The following COL24A1 variants were observed in gnomAD, a reference collection of about 807,000 sequenced individuals.
COL24A1 encodes the protein collagen alpha-1(XXIV) chain.
COL24A1 carries 224 observed loss-of-function variants against 253.9 expected under a neutral mutation model. The ratio of observed to expected loss-of-function variants is 0.88; its 90% CI spans 0.79 to 0.99. COL24A1 has a LOEUF of 0.99. Among genes scored for constraint, COL24A1 ranks in the 50% least tolerant of loss-of-function variants. COL24A1 has a pLI of 0.00. For missense variants in COL24A1, 2,131 were observed against 2,068.5 expected, an observed-to-expected ratio of 1.03 and a Z score of -0.59; for synonymous variants, 685 against 673.7, an observed-to-expected ratio of 1.02 and a Z score of -0.26.
At chr1:86,050,215 G>C (rs141445410) in intron 10 of COL24A1, 38 bp from the exon 11 acceptor site, 12 of 1,555,154 alleles carry the variant, frequency 7.7e-6, no homozygotes, top group Non-Finnish European at 1.1e-5. Flanking sequence ...TAGTTCATTT[G>C]AATATTCTCC....
chr1:85,778,318 G>A (rs1419005048), intron 52 of COL24A1, among the ~76,000 whole-genome samples: 1 of 151,902 alleles, frequency 6.6e-6, no homozygotes, highest in Non-Finnish European at 1.5e-5. Flanking sequence ...TGCCAAGGCT[G>A]GTCTAAACTT....
chr1:86,072,039 C>T (rs1557496449), intron 7 of COL24A1, among the ~76,000 whole-genome samples: 1 of 152,172 alleles, frequency 6.6e-6, no homozygotes, highest in Non-Finnish European at 1.5e-5. Flanking sequence ...CCCTCGGACG[C>T]CTACACCACC....
chr1:85,777,296 C>T (rs1668643956), intron 52 of COL24A1, among the ~76,000 whole-genome samples: 1 of 152,146 alleles, frequency 6.6e-6, no homozygotes, highest in African/African-American at 2.4e-5. Context: ...TATATACACC[C>T]TTTTCCACAC....
Position 85,789,638 on chromosome 1 carries a change from G to C in COL24A1, c.3952-3177C>G, listed in dbSNP as rs1412211681. ...ATCCTTGCCTTGTGCCAGTTTTCAA[G>C]GGGAATGCTTCCAGCTTTTGCCCAT... On this transcript the variant is annotated intron_variant, in intron 47 of 59. Coordinates refer to ENST00000370571, the MANE Select transcript of COL24A1 (RefSeq NM_152890.7). Among the ~76,000 whole-genome samples, 3 of 152,096 alleles carry C rather than the reference G, an allele frequency of 2.0e-5. No individual in the cohort carries two copies. The East Asian group carries it at 5.8e-4, about 29-fold the overall frequency.
In COL24A1 at chr1:85,971,131, C is replaced by G. The variant is rs192722051; in HGVS notation, c.2418+209G>C. Reference sequence around the variant, plus strand: ...GGGTGAGGCAGGAGGATTGCTGGAGCCCAGGAGGTCGAGGCTGCAGTGAGC... The same window carrying G: ...GGGTGAGGCAGGAGGATTGCTGGAGGCCAGGAGGTCGAGGCTGCAGTGAGC... On this transcript the variant is annotated intron_variant, in intron 21 of 59. Transcript: ENST00000370571. Among the ~76,000 whole-genome samples, 6 of 152,190 alleles carry G rather than the reference C, an allele frequency of 3.9e-5. No individual in the cohort carries two copies. The East Asian group carries it at 1.2e-3, about 29-fold the overall frequency.
intron 24 of COL24A1, among the ~76,000 whole-genome samples, chr1:85,923,997 G>T (rs1213038454): frequency 6.6e-6 from 1 of 152,124 alleles, no homozygotes; most frequent in African/African-American, 2.4e-5. Flanking sequence ...TATCATCACG[G>T]ATCTCACAGA....
At chr1:85,869,217 C>T (rs1680133664) in intron 35 of COL24A1, among the ~76,000 whole-genome samples, 1 of 152,142 alleles carries the variant, frequency 6.6e-6, no homozygotes, top group South Asian at 2.1e-4. Flanking sequence ...ATTGTATTTA[C>T]ATGGGTTAAT....
chr1:86,128,391 C>A (rs1648643397), intron 2 of COL24A1, among the ~76,000 whole-genome samples: 1 of 151,888 alleles, frequency 6.6e-6, no homozygotes. Context: ...ATGGAAGGAA[C>A]CCTGCTTCTG....
chr1:85,765,124 T>A (rs2101154806), intron 53 of COL24A1, among the ~76,000 whole-genome samples: 1 of 152,334 alleles, frequency 6.6e-6, no homozygotes, highest in African/African-American at 2.4e-5. Flanking sequence ...ATTTAGGACC[T>A]ATTTCCCATA....
intron 35 of COL24A1, among the ~76,000 whole-genome samples, chr1:85,871,494 C>G (rs915548380): frequency 6.6e-6 from 1 of 152,140 alleles, no homozygotes; most frequent in Non-Finnish European, 1.5e-5. Context: ...AAAGCTTATC[C>G]ACCATGATCA....
chr1:85,842,318 T>G, intron 40 of COL24A1, 22 bp downstream of exon 40: 7 of 1,534,908 alleles, frequency 4.6e-6, no homozygotes, highest in Non-Finnish European at 6.2e-6. Flanking sequence ...GTGAATATAT[T>G]TTTTCAATTA....
At chr1:85,961,329 A>G (rs1328881333) in intron 23 of COL24A1, 36 bp from the exon 24 acceptor site, 18 of 1,488,988 alleles carry the variant, frequency 1.2e-5, no homozygotes, top group Non-Finnish European at 1.7e-5. Flanking sequence ...AAAAACAGTT[A>G]TTTTTCAAAC....
chr1:85,733,023 C>T (rs1407887231), intron 59 of COL24A1, among the ~76,000 whole-genome samples: 1 of 152,108 alleles, frequency 6.6e-6, no homozygotes, highest in East Asian at 1.9e-4. Context: ...CTCAGAGGTA[C>T]TAGTGAGTCA....
chr1:86,044,408 G>C (rs1452059871), intron 12 of COL24A1, among the ~76,000 whole-genome samples: 1 of 151,966 alleles, frequency 6.6e-6, no homozygotes, highest in Non-Finnish European at 1.5e-5. Context: ...TGATTTTACA[G>C]TAAAAATGAG....
chr1:86,047,142 CCAGAGACAG>C (rs1699968065), intron 11 of COL24A1, among the ~76,000 whole-genome samples: 3 of 152,172 alleles, frequency 2.0e-5, no homozygotes, highest in Non-Finnish European at 4.4e-5. Flanking sequence ...AGCTATTTGT[CCAGAGACAG>C]GCATATTACC....
At chr1:86,009,889 A>G (rs937731743) in intron 19 of COL24A1, among the ~76,000 whole-genome samples, 3 of 152,174 alleles carry the variant, frequency 2.0e-5, no homozygotes, top group Non-Finnish European at 2.9e-5. Context: ...CCCATCGTTG[A>G]CCAAAACAAT....
intron 24 of COL24A1, among the ~76,000 whole-genome samples, chr1:85,922,805 T>C (rs1349633795): frequency 6.6e-6 from 1 of 152,044 alleles, no homozygotes; most frequent in Non-Finnish European, 1.5e-5. Flanking sequence ...AGGATCAAAT[T>C]CACACATAAC....
chr1:85,905,887 T>C (rs1398639684), intron 28 of COL24A1, among the ~76,000 whole-genome samples: 1 of 152,088 alleles, frequency 6.6e-6, no homozygotes, highest in African/African-American at 2.4e-5. Flanking sequence ...TCTTCTTTTT[T>C]TCATCTGTCA....
At chr1:85,953,865 T>C (rs1395772779) in intron 24 of COL24A1, among the ~76,000 whole-genome samples, 3 of 152,152 alleles carry the variant, frequency 2.0e-5, no homozygotes, top group African/African-American at 7.2e-5. Flanking sequence ...AATCAGAGGT[T>C]ATTAAAAAAT....
Sources: gnomAD v4.1 joint callset for allele counts (sites outside exome capture counted in the v4.1 genomes callset) on GRCh38, gnomAD v4.1.1 for gene constraint, MANE v1.5 for transcripts, NCBI Gene and HGNC (gene_info 2026-07-23, HGNC 2026-07-21) for gene names.